The following ITGA9 variants were observed in gnomAD, a reference collection of about 807,000 sequenced individuals.
ITGA9 encodes integrin alpha-9.
ITGA9 carries 56 observed loss-of-function variants against 127.8 expected under a neutral mutation model. The ratio of observed to expected loss-of-function variants is 0.44; its 90% CI spans 0.35 to 0.55. The LOEUF (loss-of-function observed/expected upper bound fraction) is 0.55, where lower values mean the gene tolerates loss of function less well. ITGA9 is among the 20% of genes least tolerant of loss of function. ITGA9 has a pLI of 0.00. For synonymous variants in ITGA9, 508 were observed against 514.5 expected, an observed-to-expected ratio of 0.99 and a Z score of 0.17; for missense variants, 1,196 against 1,347.1, an observed-to-expected ratio of 0.89 and a Z score of 1.76.
At chr3:37,694,989 G>T (rs1700869414) in intron 18 of ITGA9, among the ~76,000 whole-genome samples, 2 of 152,172 alleles carry the variant, frequency 1.3e-5, no homozygotes, top group Admixed American at 6.5e-5. Flanking sequence ...GTGGAGAGAC[G>T]CAGGACAGGG....
At chr3:37,779,198 G>T (rs28627120) in intron 24 of ITGA9, among the ~76,000 whole-genome samples, 1 of 151,984 alleles carries the variant, frequency 6.6e-6, no homozygotes, top group Non-Finnish European at 1.5e-5. Flanking sequence ...TCTGCCTCTC[G>T]GGTTCATGCA....
intron 15 of ITGA9, among the ~76,000 whole-genome samples, chr3:37,617,212 T>C (rs568464347): frequency 0.018 from 2,727 of 152,318 alleles, 31 homozygotes; most frequent in Middle Eastern, 0.044. Flanking sequence ...TATTTCTCCT[T>C]CACTTATGAA....
At chr3:37,751,149 A>G (rs1334098429) in intron 23 of ITGA9, among the ~76,000 whole-genome samples, 1 of 152,226 alleles carries the variant, frequency 6.6e-6, no homozygotes, top group Non-Finnish European at 1.5e-5. Context: ...CCTCTGGGTC[A>G]TGTGGACTGA....
chr3:37,533,619 C>G, intron 14 of ITGA9, 151 bp downstream of exon 14: 2 of 720,860 alleles, frequency 2.8e-6, no homozygotes, highest in Non-Finnish European at 4.8e-6. Flanking sequence ...GAGGTTCCTC[C>G]CCTTCTATTT....
chr3:37,511,458 C>G (rs892082128), intron 8 of ITGA9, among the ~76,000 whole-genome samples: 9 of 152,192 alleles, frequency 5.9e-5, no homozygotes, highest in African/African-American at 2.2e-4. Flanking sequence ...ATAGAGATTT[C>G]TAATTTAACA....
intron 16 of ITGA9, among the ~76,000 whole-genome samples, chr3:37,650,052 C>A (rs1015298635): frequency 2.6e-5 from 4 of 152,210 alleles, no homozygotes; most frequent in African/African-American, 9.7e-5. Flanking sequence ...TTTTCACTGT[C>A]ATGGTGACTC....
rs541468058 is a variant in ITGA9 at position 37,542,985 on chromosome 3, A to G, written c.1689+400A>G. 2.0e-5 allele frequency among the ~76,000 whole-genome samples: 3 copies of G among 152,072 alleles called. No homozygotes were observed. In the East Asian group the frequency reaches 5.8e-4, roughly 29 times the overall value. On this transcript the variant is annotated intron_variant, in intron 15 of 27. Coordinates refer to ENST00000264741, the MANE Select transcript of ITGA9 (RefSeq NM_002207.3). ...ATGCCTTTCTCAGTGGTCTACTACAAATTAGCTCATGGTCACAGTTAAGGC... is the reference window on the plus strand; with the variant it reads ...ATGCCTTTCTCAGTGGTCTACTACAGATTAGCTCATGGTCACAGTTAAGGC...
chr3:37,524,671 C>G (rs1159295217), intron 12 of ITGA9, among the ~76,000 whole-genome samples: 1 of 152,134 alleles, frequency 6.6e-6, no homozygotes, highest in East Asian at 1.9e-4. Context: ...CTCGCAGTGA[C>G]CCCAGCAGGT....
intron 15 of ITGA9, among the ~76,000 whole-genome samples, chr3:37,565,034 G>A (rs1699531877): frequency 6.6e-6 from 1 of 152,206 alleles, no homozygotes; most frequent in Non-Finnish European, 1.5e-5. Context: ...CTCCTGTAGT[G>A]AGGGAGGATC....
intron 18 of ITGA9, among the ~76,000 whole-genome samples, chr3:37,695,645 A>G (rs1213042383): frequency 1.3e-5 from 2 of 152,176 alleles, no homozygotes; most frequent in Non-Finnish European, 1.5e-5. Flanking sequence ...CACTGCCCCC[A>G]TGCTCTGCCT....
At chr3:37,816,952 T>G in intron 27 of ITGA9, among the ~76,000 whole-genome samples, 1 of 152,198 alleles carries the variant, frequency 6.6e-6, no homozygotes, top group East Asian at 1.9e-4. Flanking sequence ...GCAACGTGGG[T>G]GAAGATACCT....
chr3:37,663,230 G>A (rs528125535), intron 17 of ITGA9, among the ~76,000 whole-genome samples: 154 of 152,290 alleles, frequency 1.0e-3, no homozygotes, highest in Non-Finnish European at 1.7e-3. Context: ...AATACTCACA[G>A]TACCTAAGAA....
At chr3:37,643,837 A>G (rs1048977884) in intron 16 of ITGA9, among the ~76,000 whole-genome samples, 1 of 152,044 alleles carries the variant, frequency 6.6e-6, no homozygotes, top group Non-Finnish European at 1.5e-5. Flanking sequence ...TCTTGCTGGG[A>G]TCCTCTCTGG....
intron 25 of ITGA9, among the ~76,000 whole-genome samples, chr3:37,782,094 G>A (rs1265364356): frequency 1.3e-5 from 2 of 152,210 alleles, no homozygotes; most frequent in Non-Finnish European, 2.9e-5. Context: ...AAAACCCCAC[G>A]TCTGGAGAAG....
chr3:37,638,410 G>C (rs1700301122), intron 16 of ITGA9, among the ~76,000 whole-genome samples: 1 of 150,762 alleles, frequency 6.6e-6, no homozygotes, highest in Non-Finnish European at 1.5e-5. Flanking sequence ...AGAAGTTCTG[G>C]GAGAGCAGTT....
At chr3:37,573,757 T>C (rs755160841) in intron 15 of ITGA9, among the ~76,000 whole-genome samples, 5 of 152,132 alleles carry the variant, frequency 3.3e-5, no homozygotes, top group Non-Finnish European at 7.4e-5. Flanking sequence ...ATATGAGCCA[T>C]GTGTGCCAGG....
intron 22 of ITGA9, chr3:37,748,958 G>T: frequency 1.6e-6 from 1 of 616,656 alleles, no homozygotes. Context: ...AAAGAAAAAA[G>T]AAAAATCCTT....
chr3:37,821,259 C>T lies in ITGA9; in HGVS notation c.*2270C>T, dbSNP rs577567682. 3.9e-5 allele frequency: 6 copies of T among 152,156 alleles called. No individual in the cohort carries two copies. Among genetic ancestry groups the T allele is most frequent in the Admixed American group, 6.5e-5 (1 of 15,282 alleles). 9.4% of individuals were successfully genotyped at this position (152,156 alleles called of 1,614,324 possible). Reference sequence around the variant, plus strand: ...AAGAAAGCAGCTGTCACTCAGAGTTCGCTTATGAGTTTTATCAAAAGCAGC... The same window carrying T: ...AAGAAAGCAGCTGTCACTCAGAGTTTGCTTATGAGTTTTATCAAAAGCAGC... On this transcript the variant is annotated 3_prime_UTR_variant, in exon 28 of 28. Transcript: ENST00000264741.
chr3:37,820,489 T>C lies in ITGA9; in HGVS notation c.*1500T>C, dbSNP rs1697500753. The C allele has an allele frequency of 6.6e-6, 1 of 152,254 alleles. No individual in the cohort carries two copies. 9.4% of individuals were successfully genotyped at this position (152,254 alleles called of 1,614,324 possible). A position where few individuals can be genotyped will look rare whatever the true frequency, so the allele number is the denominator to read the frequency against. On this transcript the variant is annotated 3_prime_UTR_variant, in exon 28 of 28. Coordinates refer to ENST00000264741, the MANE Select transcript of ITGA9 (RefSeq NM_002207.3). ...ACTGCCCCTCCCCACCCCCTGAATG[T>C]GTGAGTGCTGAGTTACGGCCTTCAG...
Sources: allele counts gnomAD v4.1 joint callset (sites outside exome capture counted in the v4.1 genomes callset), GRCh38; gene constraint gnomAD v4.1.1; transcripts MANE v1.5; gene names NCBI Gene and HGNC (gene_info 2026-07-23, HGNC 2026-07-21).